The following LRRFIP2 variants were observed in gnomAD, a reference collection of about 807,000 sequenced individuals.
The protein encoded by LRRFIP2 is leucine-rich repeat flightless-interacting protein 2.
Under a neutral mutation model 125.9 loss-of-function variants are expected in LRRFIP2, and 109 were observed. The observed-to-expected ratio is 0.87, with a 90% CI of 0.74 to 1.01. The LOEUF (loss-of-function observed/expected upper bound fraction) is 1.01, where lower values mean the gene tolerates loss of function less well. Among genes scored for constraint, LRRFIP2 ranks in the 50% least tolerant of loss-of-function variants. LRRFIP2 has a pLI of 0.00. For missense variants in LRRFIP2, 850 were observed against 862.3 expected (o/e 0.99, Z 0.18); for synonymous variants, 291 against 293.1 (o/e 0.99, Z 0.07).
At chr3:37,166,670 C>T (rs570418773) in intron 1 of LRRFIP2, among the ~76,000 whole-genome samples, 4 of 151,428 alleles carry the variant, frequency 2.6e-5, no homozygotes, top group African/African-American at 7.3e-5. Context: ...CCAGCCTGGA[C>T]GTTGCTTGAA....
intron 2 of LRRFIP2, chr3:37,143,593 G>A (rs775767973): frequency 2.6e-5 from 6 of 234,168 alleles, no homozygotes; most frequent in Non-Finnish European, 4.5e-5. Flanking sequence ...TCAGTGGATC[G>A]TCAAAATTCA....
chr3:37,072,933 AGAG>A, intron 20 of LRRFIP2, 51 bp from the exon 21 acceptor site: 1 of 1,243,920 alleles, frequency 8.0e-7, no homozygotes, highest in Non-Finnish European at 1.2e-6. Context: ...AAGAAAAGGG[AGAG>A]GAGGTTTGAG....
intron 4 of LRRFIP2, among the ~76,000 whole-genome samples, chr3:37,126,508 A>G (rs1401766691): frequency 1.3e-5 from 2 of 152,094 alleles, no homozygotes; most frequent in Non-Finnish European, 2.9e-5. Flanking sequence ...ACCCCTTTCA[A>G]TGAAAATCTA....
At position 37,173,225 on chromosome 3, in the gene LRRFIP2, T is replaced by C. The variant is rs549519443; in HGVS notation, c.-56+1314A>G. Among the ~76,000 whole-genome samples the C allele has an allele frequency of 5.3e-5, 8 of 151,970 alleles. No homozygotes were observed. The South Asian group carries it at 8.3e-4, about 16-fold the overall frequency. On this transcript the variant is annotated intron_variant, in intron 1 of 27. Coordinates refer to ENST00000336686, the MANE Select transcript of LRRFIP2 (RefSeq NM_006309.4). Reference sequence around the variant, plus strand: ...AAAAAAAAAAGTTGAGTTTCATTTATTTATTCTTGAGACAGGGTCTCACCC... The same window carrying C: ...AAAAAAAAAAGTTGAGTTTCATTTACTTATTCTTGAGACAGGGTCTCACCC...
At chr3:37,140,151 C>T (rs1019113488) in intron 2 of LRRFIP2, among the ~76,000 whole-genome samples, 1 of 152,178 alleles carries the variant, frequency 6.6e-6, no homozygotes, top group Non-Finnish European at 1.5e-5. Flanking sequence ...TTCATAAGCA[C>T]ATTTTTCCCT....
At chr3:37,108,752 T>C in intron 11 of LRRFIP2, 68 bp from the exon 12 acceptor site, 1 of 1,334,356 alleles carries the variant, frequency 7.5e-7, no homozygotes, top group Admixed American at 1.7e-5. Context: ...ACTTAATGTT[T>C]TCACAATACT....
Position 37,108,672 on chromosome 3 carries a change from T to C in LRRFIP2, c.622A>G (p.Asn208Asp), listed in dbSNP as rs1398987784. Residue 208 changes from asparagine to aspartate, a missense_variant, in exon 12 of 28, where the codon AAT becomes GAT. Transcript: ENST00000336686. ...CCATAAGGGTTATATAATCCACCATTGTACAATGATGCCTAAGGAACAAAG... is the reference window on the plus strand; with the variant it reads ...CCATAAGGGTTATATAATCCACCATCGTACAATGATGCCTAAGGAACAAAG... ...LRSASLASLY[N>D]GGLYNPYGPR... The C allele has an allele frequency of 1.2e-6, 2 of 1,609,834 alleles. No homozygotes were observed. Among genetic ancestry groups the C allele is most frequent in the Admixed American group, 3.3e-5 (2 of 59,966 alleles).
At chr3:37,123,440 C>T (rs2095149446) in intron 4 of LRRFIP2, among the ~76,000 whole-genome samples, 1 of 152,158 alleles carries the variant, frequency 6.6e-6, no homozygotes, top group Non-Finnish European at 1.5e-5. Context: ...CTGCCCGCCT[C>T]GGCCTTCCAA....
chr3:37,055,509 T>G (rs1219045304), intron 25 of LRRFIP2, among the ~76,000 whole-genome samples: 1 of 152,106 alleles, frequency 6.6e-6, no homozygotes, highest in African/African-American at 2.4e-5. Context: ...GAGGTTGCAG[T>G]GAGCTAAGAT....
At chr3:37,088,808 A>T (rs1006071781) in intron 18 of LRRFIP2, among the ~76,000 whole-genome samples, 6 of 148,796 alleles carry the variant, frequency 4.0e-5, no homozygotes, top group African/African-American at 1.0e-4. Flanking sequence ...CTAAAAAAAA[A>T]TTTTAAATAA....
chr3:37,103,795 C>T (rs2094188862), intron 14 of LRRFIP2, among the ~76,000 whole-genome samples: 1 of 152,140 alleles, frequency 6.6e-6, no homozygotes, highest in South Asian at 2.1e-4. Flanking sequence ...TGTTTCTTTA[C>T]TAGCTTATTT....
At chr3:37,090,824 T>C (rs1186103982) in intron 18 of LRRFIP2, among the ~76,000 whole-genome samples, 1 of 152,150 alleles carries the variant, frequency 6.6e-6, no homozygotes, top group Non-Finnish European at 1.5e-5. Flanking sequence ...CAAAAGAAAA[T>C]ATAGGCCTCA....
chr3:37,175,751 C>T (rs1448349112), upstream of LRRFIP2: 4 of 152,374 alleles, frequency 2.6e-5, no homozygotes, highest in East Asian at 5.8e-4. Flanking sequence ...GAGAAGGCGC[C>T]TAGGGCACCC....
chr3:37,124,308 T>G (rs979973894), intron 4 of LRRFIP2, among the ~76,000 whole-genome samples: 1 of 152,218 alleles, frequency 6.6e-6, no homozygotes. Context: ...ATTTGACAAA[T>G]GTGTTTACGT....
At chr3:37,128,921 C>A in intron 3 of LRRFIP2, 142 bp downstream of exon 3, 1 of 729,570 alleles carries the variant, frequency 1.4e-6, no homozygotes, top group Non-Finnish European at 2.3e-6. Context: ...TTTGCTGGCA[C>A]AGAATGGCTT....
intron 6 of LRRFIP2, among the ~76,000 whole-genome samples, chr3:37,118,674 T>C (rs1397823727): frequency 2.6e-5 from 4 of 152,198 alleles, no homozygotes; most frequent in South Asian, 2.1e-4. Flanking sequence ...AAAGATAGTA[T>C]ATGAAAGTTA....
rs531637151 is a variant in LRRFIP2 at position 37,156,798 on chromosome 3, T to C, written c.-55-7760A>G. On this transcript the variant is annotated intron_variant, in intron 1 of 27. Transcript: ENST00000336686. ...AAGAAAAGGAAGGCAGAGGTAATCA[T>C]AGCACTGAAGAATACCTAGTAGTTA... is the stretch of plus-strand genomic sequence containing the variant. Among the ~76,000 whole-genome samples the C allele has an allele frequency of 8.2e-5, 12 of 146,778 alleles. No individual in the cohort carries two copies. In the South Asian group the frequency reaches 1.3e-3, roughly 16 times the overall value.
At chr3:37,130,709 C>T (rs1478239254) in intron 2 of LRRFIP2, among the ~76,000 whole-genome samples, 1 of 152,142 alleles carries the variant, frequency 6.6e-6, no homozygotes, top group Non-Finnish European at 1.5e-5. Flanking sequence ...CATTTGTTAG[C>T]TGTCTCAGTT....
intron 6 of LRRFIP2, among the ~76,000 whole-genome samples, chr3:37,115,687 T>C (rs2094749386): frequency 6.6e-6 from 1 of 152,176 alleles, no homozygotes; most frequent in African/African-American, 2.4e-5. Flanking sequence ...GGTCAATGTG[T>C]GAACTGCACA....
Sources: gnomAD v4.1 joint callset for allele counts (sites outside exome capture counted in the v4.1 genomes callset) on GRCh38, gnomAD v4.1.1 for gene constraint, MANE v1.5 for transcripts, NCBI Gene and HGNC (gene_info 2026-07-23, HGNC 2026-07-21) for gene names.